Variants in ABAT observed in about 807,000 individuals in gnomAD.
ABAT encodes the protein 4-aminobutyrate aminotransferase, mitochondrial.
A neutral mutation model predicts 64.6 loss-of-function variants in ABAT; 45 were observed. That is an observed-to-expected ratio of 0.70 (90% CI 0.55 to 0.89). ABAT has a LOEUF of 0.89. Among genes scored for constraint, ABAT ranks in the 40% least tolerant of loss-of-function variants. The pLI is 0.00. For synonymous variants in ABAT, 297 were observed against 250.5 expected, an observed-to-expected ratio of 1.19 and a Z score of -1.75; for missense variants, 633 against 658.4, an observed-to-expected ratio of 0.96 and a Z score of 0.42.
chr16:8,755,692 C>G (rs1328273722), intron 5 of ABAT, among the ~76,000 whole-genome samples: 2 of 152,124 alleles, frequency 1.3e-5, no homozygotes, highest in Non-Finnish European at 2.9e-5. Context: ...GGGTGGATCA[C>G]TTGAGGGCAG....
chr16:8,677,319 G>T (rs903706066), intron 1 of ABAT, among the ~76,000 whole-genome samples: 1 of 152,206 alleles, frequency 6.6e-6, no homozygotes, highest in Non-Finnish European at 1.5e-5. Flanking sequence ...ATCTGCCAGG[G>T]CCAAGGTGCC....
intron 1 of ABAT, among the ~76,000 whole-genome samples, chr16:8,681,601 C>A (rs1596396211): frequency 6.8e-6 from 1 of 148,002 alleles, no homozygotes; most frequent in South Asian, 2.1e-4. Context: ...GAAATGAGGT[C>A]TTTCTGCATT....
Position 8,779,416 on chromosome 16 carries a change from A to G in ABAT, c.1270-63A>G, listed in dbSNP as rs1254580556. Reference sequence around the variant, plus strand: ...GGGAGGCCTTTGACGAAGCACAGCCATTAAGCCCAGCTGGTACACAGGTGA... The same window carrying G: ...GGGAGGCCTTTGACGAAGCACAGCCGTTAAGCCCAGCTGGTACACAGGTGA... On this transcript the variant is annotated intron_variant, in intron 14 of 15. Transcript: ENST00000268251. The G allele has an allele frequency of 7.6e-6, 11 of 1,443,882 alleles. No homozygotes were observed. In the East Asian group the frequency reaches 2.3e-4, roughly 30 times the overall value. The allele number at this position is 1,443,882 out of a possible 1,614,324, so 89.4% of individuals were successfully genotyped here.
At chr16:8,771,299 A>C (rs1189085248) in intron 11 of ABAT, among the ~76,000 whole-genome samples, 1 of 151,754 alleles carries the variant, frequency 6.6e-6, no homozygotes, top group African/African-American at 2.4e-5. Context: ...CCATCTCAAA[A>C]AAAAAAAAAA....
chr16:8,742,865 C>CA (rs71152927), intron 2 of ABAT, among the ~76,000 whole-genome samples: 71,463 of 96,944 alleles, frequency 0.74, 25,692 homozygotes, highest in East Asian at 0.8. Flanking sequence ...GACCCTGTCT[C>CA]AAAAAAAAAA....
chr16:8,767,276 C>T (rs2059972389), intron 9 of ABAT, among the ~76,000 whole-genome samples: 1 of 152,212 alleles, frequency 6.6e-6, no homozygotes, highest in Admixed American at 6.5e-5. Flanking sequence ...CCTCCTGAAC[C>T]CAAGGCGCAG....
chr16:8,729,828 TAAA>T (rs5815494), intron 1 of ABAT, among the ~76,000 whole-genome samples: 12 of 128,454 alleles, frequency 9.3e-5, no homozygotes, highest in Non-Finnish European at 1.3e-4. Flanking sequence ...TTTTTTGTCT[TAAA>T]AAAAAAAAAA....
intron 1 of ABAT, among the ~76,000 whole-genome samples, chr16:8,733,130 C>A (rs1467150615): frequency 2.7e-5 from 4 of 146,078 alleles, no homozygotes; most frequent in East Asian, 2.1e-4. Flanking sequence ...GGGGCTGACC[C>A]CCCCCCACCT....
intron 9 of ABAT, 46 bp from the exon 10 acceptor site, chr16:8,768,147 C>A (rs373385788): frequency 1.8e-5 from 28 of 1,581,436 alleles, no homozygotes; most frequent in Non-Finnish European, 2.4e-5. Context: ...ATACAGTTCC[C>A]CCATCCTTAC....
intron 12 of ABAT, among the ~76,000 whole-genome samples, chr16:8,773,259 C>G (rs2060174490): frequency 3.9e-5 from 6 of 152,008 alleles, no homozygotes; most frequent in Admixed American, 3.9e-4. Context: ...TCAAGTGATT[C>G]TCCTACCTCA....
intron 1 of ABAT, among the ~76,000 whole-genome samples, chr16:8,732,933 C>A (rs1399843639): frequency 6.7e-6 from 1 of 149,010 alleles, no homozygotes; most frequent in Non-Finnish European, 1.5e-5. Context: ...GGGGGCTGAC[C>A]CCCCTACCTC....
intron 12 of ABAT, among the ~76,000 whole-genome samples, chr16:8,774,276 A>G (rs2060204370): frequency 6.6e-6 from 1 of 152,082 alleles, no homozygotes. Context: ...TCATCCATCG[A>G]TGGACAGATT....
chr16:8,757,204 G>C (rs1279578430), intron 5 of ABAT: 2 of 451,336 alleles, frequency 4.4e-6, no homozygotes, highest in Non-Finnish European at 8.9e-6. Context: ...GAGTCTCACT[G>C]TCACCCAGGC....
At chr16:8,700,447 G>C (rs1409301457) in intron 1 of ABAT, among the ~76,000 whole-genome samples, 2 of 152,154 alleles carry the variant, frequency 1.3e-5, no homozygotes, top group Admixed American at 1.3e-4. Context: ...CCAGCCCCCA[G>C]AAAGTTCCCT....
At chr16:8,677,311 C>T (rs1028828971) in intron 1 of ABAT, among the ~76,000 whole-genome samples, 1 of 152,220 alleles carries the variant, frequency 6.6e-6, no homozygotes, top group African/African-American at 2.4e-5. Flanking sequence ...CGTAGATAAT[C>T]TGCCAGGGCC....
chr16:8,693,500 G>T (rs769189880), intron 1 of ABAT, among the ~76,000 whole-genome samples: 13 of 152,032 alleles, frequency 8.6e-5, no homozygotes, highest in Admixed American at 7.2e-4. Context: ...TCTGAGTGTC[G>T]CTCTGTCACC....
intron 1 of ABAT, among the ~76,000 whole-genome samples, chr16:8,716,601 C>T (rs1374587727): frequency 6.6e-6 from 1 of 152,148 alleles, no homozygotes. Flanking sequence ...ACTTGCAATT[C>T]GTAACCATTT....
chr16:8,738,346 C>G lies in ABAT; in HGVS notation c.70+2537C>G, dbSNP rs550873022. On this transcript the variant is annotated intron_variant, in intron 2 of 15. Coordinates refer to ENST00000268251, the MANE Select transcript of ABAT (RefSeq NM_020686.6). Reference sequence around the variant, plus strand: ...TAATAGATAAATAAGTTTTTAAAGACACTAAGAAACTGACCTTGGTATGTT... The same window carrying G: ...TAATAGATAAATAAGTTTTTAAAGAGACTAAGAAACTGACCTTGGTATGTT... The G allele has an allele frequency of 1.8e-5, 8 of 449,350 alleles. 1 individual carries two copies. The highest frequency in any genetic ancestry group is 1.0e-4 in the African/African-American group (5 of 49,432). The allele number at this position is 449,350 out of a possible 1,614,324, so 27.8% of individuals were successfully genotyped here.
In ABAT at chr16:8,748,106, A is replaced by G. The variant is rs939876800; in HGVS notation, c.169-2A>G. On this transcript the variant is annotated splice_acceptor_variant, in intron 3 of 15. Transcript: ENST00000268251. LOFTEE classifies it high-confidence loss of function. ...TAATGCTTTTGTTGTTCTTGCCTGC[A>G]GGAGTTAATGAAACAGCTGAATATA... 12 of 1,613,442 alleles carry G rather than the reference A, an allele frequency of 7.4e-6. No homozygotes were observed. The highest frequency in any genetic ancestry group is 1.0e-5 in the Non-Finnish European group (12 of 1,179,622).
Sources: allele counts gnomAD v4.1 joint callset (sites outside exome capture counted in the v4.1 genomes callset), GRCh38; gene constraint gnomAD v4.1.1; transcripts MANE v1.5; gene names NCBI Gene and HGNC (gene_info 2026-07-23, HGNC 2026-07-21).